Variants in METTL18 observed in about 807,000 individuals in gnomAD.
METTL18 encodes histidine protein methyltransferase 1 homolog.
A neutral mutation model predicts 19.6 loss-of-function variants in METTL18; 15 were observed. The observed-to-expected ratio is 0.77, with a 90% CI of 0.51 to 1.18. METTL18 has a LOEUF of 1.18. Among genes scored for constraint, METTL18 ranks in the 50% most tolerant of loss-of-function variants. METTL18 has a pLI of 0.00. For synonymous variants in METTL18, 131 were observed against 145.2 expected, an observed-to-expected ratio of 0.90 and a Z score of 0.70; for missense variants, 392 against 418.8, an observed-to-expected ratio of 0.94 and a Z score of 0.56.
Position 169,792,962 on chromosome 1 carries a change from T to C in METTL18, c.734A>G (p.Asn245Ser). The C allele has an allele frequency of 1.9e-6, 3 of 1,614,036 alleles. No homozygotes were observed. The highest frequency in any genetic ancestry group is 2.5e-6 in the Non-Finnish European group (3 of 1,179,976). ...CCTGCATCTTTTCACATCTGGCTCATTTACATCATTTTCTTCATCTTCCAA... is the reference window on the plus strand; with the variant it reads ...CCTGCATCTTTTCACATCTGGCTCACTTACATCATTTTCTTCATCTTCCAA... Reference protein sequence around the residue: ...STLEDEENDVNEPDVKRCRKP... With the variant: ...STLEDEENDVSEPDVKRCRKP... The change falls in exon 2 of 2, where the codon AAT (asparagine) becomes AGT (serine). Residue 245 changes from asparagine (N) to serine (S), a missense_variant. Asn to Ser is a conservative substitution (Grantham distance 46). Transcript: ENST00000310392.
In METTL18 at chr1:169,792,681, T is replaced by A. The variant is rs201953653; in HGVS notation, c.1015A>T (p.Lys339Ter). The A allele has an allele frequency of 1.1e-5, 17 of 1,613,526 alleles. No homozygotes were observed. Among genetic ancestry groups the A allele is most frequent in the Non-Finnish European group, 1.4e-5 (17 of 1,179,870 alleles). ...AAAACATCTCTTTCTTCTACAAACT[T>A]CTGAAAGAGATGAACACCTCCACCT... The part of the protein sequence containing the change: ...GVGGGVHLFQ[K>*]FVEERDVFKT... Residue 339 changes from lysine (K) to a stop codon, truncating the protein, a stop_gained, in exon 2 of 2, where the codon AAG (lysine) becomes TAG (stop). Transcript: ENST00000310392. LOFTEE classifies it high-confidence loss of function.
At position 169,793,499 on chromosome 1, in the gene METTL18, A is replaced by G; in HGVS notation, c.197T>C (p.Met66Thr). 1 of 1,614,050 alleles carries G rather than the reference A, an allele frequency of 6.2e-7. No individual in the cohort carries two copies. The highest frequency in any genetic ancestry group is 8.5e-7 in the Non-Finnish European group (1 of 1,180,000). The change falls in exon 2 of 2, where the codon ATG becomes ACG. Residue 66 changes from methionine (M) to threonine (T), a missense_variant. Transcript: ENST00000310392. ...GTCTTGAGAGGGAGCTGCATTTTCC[A>G]TTGACTTATGTTCCCACAAGTGATC... ...PQDHLWEHKS[M>T]ENAAPSQDTD...
rs1276248931 is a variant in METTL18, at chr1:169,793,566, T to G, written c.130A>C (p.Arg44=). The change falls in exon 2 of 2, where the codon AGG becomes CGG. Residue 44 remains arginine, a synonymous_variant. Coordinates refer to ENST00000310392, the MANE Select transcript of METTL18 (RefSeq NM_033418.4). ...TGTTCTGCAGAACATTTTCTGTCCC[T>G]CTCTTCTCCTTTTTGACTTTCTGAG... is the stretch of plus-strand genomic sequence containing the variant. ...SVSESQKGEE[R]DRKCSAEQFD... 1.2e-6 allele frequency: 2 copies of G among 1,614,146 alleles called. No individual in the cohort carries two copies. The highest frequency in any genetic ancestry group is 1.7e-6 in the Non-Finnish European group (2 of 1,180,006).
intron 1 of METTL18, 24 bp from the exon 2 acceptor site, chr1:169,793,921 A>G: frequency 2.6e-6 from 1 of 385,534 alleles, no homozygotes; most frequent in Non-Finnish European, 4.6e-6. Context: ...AAAAAAAAAA[A>G]GAAAGAAAAT....
Position 169,792,894 on chromosome 1 carries a change from C to A in METTL18, c.802G>T (p.Gly268Cys), listed in dbSNP as rs772748768. 1 of 1,614,072 alleles carries A rather than the reference C, an allele frequency of 6.2e-7. No individual in the cohort carries two copies. The highest frequency in any genetic ancestry group is 1.1e-5 in the South Asian group (1 of 91,076). The part of the protein sequence containing the change: ...TQLYKCRFFS[G>C]EWSEFCKLVL... ...AGCTTACAAAACTCAGACCACTCACCAGAAAAAAATCGGCATTTATATAGT... is the reference window on the plus strand; with the variant it reads ...AGCTTACAAAACTCAGACCACTCACAAGAAAAAAATCGGCATTTATATAGT... The change falls in exon 2 of 2, where the codon GGT becomes TGT. Residue 268 changes from glycine (G) to cysteine (C), a missense_variant. Physicochemically the swap from Gly to Cys is radical, Grantham distance 159. Transcript: ENST00000310392.
chr1:169,793,409 G>A lies in METTL18; in HGVS notation c.287C>T (p.Ser96Phe), dbSNP rs1314311105. ...RNLEPHGKQPSLRAAKEHAMP... is the reference protein window; with the variant it reads ...RNLEPHGKQPFLRAAKEHAMP... ...AGCATGCTCTTTGGCAGCTCTCAAGGAGGGCTGTTTTCCATGTGGCTCCAA... is the reference window on the plus strand; with the variant it reads ...AGCATGCTCTTTGGCAGCTCTCAAGAAGGGCTGTTTTCCATGTGGCTCCAA... The change falls in exon 2 of 2, where the codon TCC (serine) becomes TTC (phenylalanine). Residue 96 changes from serine (S) to phenylalanine (F), a missense_variant. Coordinates refer to ENST00000310392, the MANE Select transcript of METTL18 (RefSeq NM_033418.4). 4 of 1,614,038 alleles carry A rather than the reference G, an allele frequency of 2.5e-6. No homozygotes were observed. Among genetic ancestry groups the A allele is most frequent in the African/African-American group, 2.7e-5 (2 of 74,920 alleles).
In METTL18 at chr1:169,793,826, A is replaced by G; in HGVS notation, c.-131T>C. On this transcript the variant is annotated 5_prime_UTR_variant, in exon 2 of 2. Coordinates refer to ENST00000310392, the MANE Select transcript of METTL18 (RefSeq NM_033418.4). ...GCCCAATTTCTCTTTAGCAGCTTATACATGGTAACAAATATTTAGAGATAT... is the reference window on the plus strand; with the variant it reads ...GCCCAATTTCTCTTTAGCAGCTTATGCATGGTAACAAATATTTAGAGATAT... 1.4e-6 allele frequency: 1 copy of G among 715,882 alleles called. No homozygotes were observed. The highest frequency in any genetic ancestry group is 2.2e-6 in the Non-Finnish European group (1 of 460,692). The allele number at this position is 715,882 out of a possible 1,614,324, so 44.3% of individuals were successfully genotyped here.
intron 1 of METTL18, 142 bp downstream of exon 1, chr1:169,794,673 A>G (rs74504221): frequency 0.065 from 10,635 of 162,478 alleles, 453 homozygotes; most frequent in Non-Finnish European, 0.096. Flanking sequence ...CGCGGCTAGG[A>G]ACGCGCCTCT....
Position 169,792,750 on chromosome 1 carries a change from TTTTACTTAACAGTC to T in METTL18, c.932_945del (p.Arg311LysfsTer33), listed in dbSNP as rs1197739254. Reference sequence around the variant, plus strand: ...TTGCTGGCCAAAAGTACACGTCCATTTTTACTTAACAGTCTAAGGAAAGTCTGGTGCAAATTACT... The same window carrying T: ...TTGCTGGCCAAAAGTACACGTCCATTTAAGGAAAGTCTGGTGCAAATTACT... On this transcript the variant is annotated frameshift_variant, in exon 2 of 2. Transcript: ENST00000310392. LOFTEE classifies it high-confidence loss of function. 1 of 1,613,812 alleles carries T rather than the reference TTTTACTTAACAGTC, an allele frequency of 6.2e-7. No individual in the cohort carries two copies. The highest frequency in any genetic ancestry group is 8.5e-7 in the Non-Finnish European group (1 of 1,179,924).
At position 169,793,219 on chromosome 1, in the gene METTL18, T is replaced by G; in HGVS notation, c.477A>C (p.Thr159=). The stretch of plus-strand genomic sequence containing the variant: ...TTTTTAAGCCTCCCTCATAAACACC[T>G]GTAATCAGATCAGAGTGAGAAGAAA... ...KSFSSHSDLI[T]GVYEGGLKIW... Residue 159 remains threonine, a synonymous_variant, in exon 2 of 2, where the codon ACA becomes ACC. Coordinates refer to ENST00000310392, the MANE Select transcript of METTL18 (RefSeq NM_033418.4). 6.2e-7 allele frequency: 1 copy of G among 1,614,194 alleles called. No individual in the cohort carries two copies.
chr1:169,794,519 T>G (rs1375290967), intron 1 of METTL18: 1 of 153,898 alleles, frequency 6.5e-6, no homozygotes, highest in Non-Finnish European at 1.5e-5. Context: ...CCTGTAGAAA[T>G]AAGAAGCAAC....
chr1:169,793,343 A>G lies in METTL18; in HGVS notation c.353T>C (p.Ile118Thr), dbSNP rs1206291894. The G allele has an allele frequency of 1.9e-6, 3 of 1,614,090 alleles. No individual in the cohort carries two copies. The African/African-American group carries it at 4.0e-5, about 22-fold the overall frequency. ...ATGCTGGAAACCTGGTAATGTTTCT[A>G]TGACTTTATTTTCTAACATCTTCTT... ...DLKKMLENKV[I>T]ETLPGFQHVK... is the part of the protein sequence containing the mutation. The change falls in exon 2 of 2, where the codon ATA becomes ACA. Residue 118 changes from isoleucine to threonine, a missense_variant. Coordinates refer to ENST00000310392, the MANE Select transcript of METTL18 (RefSeq NM_033418.4).
rs370886879 is a variant in METTL18, at chr1:169,793,034, A to G, written c.662T>C (p.Met221Thr). The change falls in exon 2 of 2, where the codon ATG becomes ACG. Residue 221 changes from methionine to threonine, a missense_variant. Physicochemically the swap from Met to Thr is moderately conservative, Grantham distance 81. Coordinates refer to ENST00000310392, the MANE Select transcript of METTL18 (RefSeq NM_033418.4). ...KEIHFQDYNSMVIDEVTLPNV... is the reference protein window; with the variant it reads ...KEIHFQDYNSTVIDEVTLPNV... ...AGGTAAGGTTACTTCATCAATCACC[A>G]TACTGTTATAATCTTGAAAGTGAAT... 25 of 1,614,046 alleles carry G rather than the reference A, an allele frequency of 1.5e-5. No homozygotes were observed. Among genetic ancestry groups the G allele is most frequent in the Non-Finnish European group, 1.9e-5 (23 of 1,180,034 alleles).
Position 169,793,361 on chromosome 1 carries a change from ATCT to A in METTL18, c.332_334del (p.Lys111del). The A allele has an allele frequency of 1.2e-6, 2 of 1,614,166 alleles. No homozygotes were observed. Among genetic ancestry groups the A allele is most frequent in the Non-Finnish European group, 8.5e-7 (1 of 1,180,022 alleles). ...TGTTTCTATGACTTTATTTTCTAAC[ATCT>A]TCTTTAAATCTTTAGGCATAGCATG... On this transcript the variant is annotated inframe_deletion, in exon 2 of 2. Coordinates refer to ENST00000310392, the MANE Select transcript of METTL18 (RefSeq NM_033418.4).
chr1:169,793,757 T>G lies in METTL18; in HGVS notation c.-62A>C. The stretch of plus-strand genomic sequence containing the variant: ...TCTTCAACTTCTGGATAGAATTTGA[T>G]GATACACACAAATCTGCCTCAATTA... On this transcript the variant is annotated 5_prime_UTR_variant, in exon 2 of 2. Transcript: ENST00000310392. 6.9e-7 allele frequency: 1 copy of G among 1,443,614 alleles called. No individual in the cohort carries two copies. Among genetic ancestry groups the G allele is most frequent in the Non-Finnish European group, 9.3e-7 (1 of 1,070,372 alleles). 89.4% of individuals were successfully genotyped at this position (1,443,614 alleles called of 1,614,324 possible). A position where few individuals can be genotyped will look rare whatever the true frequency, so the allele number is the denominator to read the frequency against.
Position 169,793,151 on chromosome 1 carries a change from G to A in METTL18, c.545C>T (p.Ala182Val). 2 of 1,614,076 alleles carry A rather than the reference G, an allele frequency of 1.2e-6. No individual in the cohort carries two copies. The highest frequency in any genetic ancestry group is 1.7e-6 in the Non-Finnish European group (2 of 1,180,014). ...TTTTTTCCCAGCAAATTTCACTTTG[G>A]CCTTTGTGAAATAAGCCAGGAGGTC... ...TFDLLAYFTK[A>V]KVKFAGKKVL... The change falls in exon 2 of 2, where the codon GCC becomes GTC. Residue 182 changes from alanine to valine, a missense_variant. Coordinates refer to ENST00000310392, the MANE Select transcript of METTL18 (RefSeq NM_033418.4).
chr1:169,793,986 C>T, intron 1 of METTL18, 89 bp from the exon 2 acceptor site: 1 of 254,444 alleles, frequency 3.9e-6, no homozygotes, highest in Admixed American at 5.4e-5. Flanking sequence ...AACAGCCACC[C>T]CCACCCCTCC....
At position 169,793,742 on chromosome 1, in the gene METTL18, CT is replaced by C. The variant is rs763099452; in HGVS notation, c.-48del. On this transcript the variant is annotated 5_prime_UTR_variant, in exon 2 of 2. Coordinates refer to ENST00000310392, the MANE Select transcript of METTL18 (RefSeq NM_033418.4). ...TCTTTAAATTCAGATTCTTCAACTT[CT>C]GGATAGAATTTGATGATACACACAA... 3.3e-6 allele frequency: 5 copies of C among 1,505,556 alleles called. No homozygotes were observed. The South Asian group carries it at 4.1e-5, about 12-fold the overall frequency. The allele number at this position is 1,505,556 out of a possible 1,614,324, so 93.3% of individuals were successfully genotyped here.
intron 1 of METTL18, among the ~76,000 whole-genome samples, chr1:169,794,318 C>G (rs200399464): frequency 6.6e-6 from 1 of 152,186 alleles, no homozygotes; most frequent in African/African-American, 2.4e-5. Flanking sequence ...TTTGGTAAGT[C>G]AGCGTCCCTT....
Sources: gnomAD v4.1 joint callset for allele counts (sites outside exome capture counted in the v4.1 genomes callset) on GRCh38, gnomAD v4.1.1 for gene constraint, MANE v1.5 for transcripts, NCBI Gene and HGNC (gene_info 2026-07-23, HGNC 2026-07-21) for gene names.